The following CEP112 variants were observed in gnomAD, a reference collection of about 807,000 sequenced individuals.
CEP112 encodes centrosomal protein 112.
A neutral mutation model predicts 153.0 loss-of-function variants in CEP112; 127 were observed. The ratio of observed to expected loss-of-function variants is 0.83; its 90% CI spans 0.72 to 0.96. The LOEUF (loss-of-function observed/expected upper bound fraction) is 0.96, where lower values mean the gene tolerates loss of function less well. CEP112 is among the 40% of genes least tolerant of loss of function. The pLI is 0.00. For synonymous variants in CEP112, 358 were observed against 374.4 expected, an observed-to-expected ratio of 0.96 and a Z score of 0.51; for missense variants, 1,089 against 1,101.2, an observed-to-expected ratio of 0.99 and a Z score of 0.16.
intron 23 of CEP112, among the ~76,000 whole-genome samples, chr17:65,709,202 C>A (rs1186943566): frequency 6.6e-6 from 1 of 152,044 alleles, no homozygotes; most frequent in Admixed American, 6.5e-5. Context: ...AAATCTGCGG[C>A]CTAATTATAA....
intron 23 of CEP112, among the ~76,000 whole-genome samples, chr17:65,705,337 TA>T (rs1417920978): frequency 1.3e-5 from 2 of 152,344 alleles, no homozygotes; most frequent in East Asian, 3.9e-4. Context: ...ATTCCTAATG[TA>T]AATTTCTTCA....
At chr17:66,121,957 C>G (rs1261133717) in intron 6 of CEP112, among the ~76,000 whole-genome samples, 1 of 152,014 alleles carries the variant, frequency 6.6e-6, no homozygotes, top group African/African-American at 2.4e-5. Flanking sequence ...TGCAATGGTG[C>G]GATCTCGGCT....
intron 17 of CEP112, among the ~76,000 whole-genome samples, chr17:65,977,566 G>A (rs912626353): frequency 2.0e-5 from 3 of 152,176 alleles, no homozygotes; most frequent in Non-Finnish European, 4.4e-5. Flanking sequence ...GGCAGAGAAG[G>A]GAAGATGGTC....
intron 17 of CEP112, among the ~76,000 whole-genome samples, chr17:65,962,803 C>T (rs958531978): frequency 6.6e-6 from 1 of 152,158 alleles, no homozygotes; most frequent in African/African-American, 2.4e-5. Flanking sequence ...CTGCCGCCAT[C>T]CATGTAAGAT....
chr17:66,124,199 C>T (rs1315453488), intron 6 of CEP112, among the ~76,000 whole-genome samples: 1 of 152,134 alleles, frequency 6.6e-6, no homozygotes, highest in Non-Finnish European at 1.5e-5. Context: ...TGGGGAAAGA[C>T]TGGAACTTGT....
At chr17:66,034,976 G>GTGTGTGTGTGTGTGTGTGTA (rs1255011364) in intron 12 of CEP112, among the ~76,000 whole-genome samples, 1 of 13,434 alleles carries the variant, frequency 7.4e-5, no homozygotes, top group Non-Finnish European at 1.6e-4. Flanking sequence ...GTTTTTGCAT[G>GTGTGTGTGTGTGTGTGTGTA]TATATATATA....
At chr17:65,873,222 T>C (rs2058722395) in intron 20 of CEP112, 1 of 152,272 alleles carries the variant, frequency 6.6e-6, no homozygotes, top group South Asian at 2.1e-4. Context: ...CGGGCTCACC[T>C]GCCTGACTAA....
At position 65,672,884 on chromosome 17, in the gene CEP112, T is replaced by C. The variant is rs1363425028; in HGVS notation, c.2697+16245A>G. 2.0e-5 allele frequency among the ~76,000 whole-genome samples: 3 copies of C among 152,216 alleles called. No individual in the cohort carries two copies. The East Asian group carries it at 5.8e-4, about 29-fold the overall frequency. On this transcript the variant is annotated intron_variant, in intron 24 of 26. Coordinates refer to ENST00000535342, the MANE Select transcript of CEP112 (RefSeq NM_001199165.4). ...GAAATATATCTCAGTCAATACATGGTATTAGTATTAATAACTGGCTATCTA... is the reference window on the plus strand; with the variant it reads ...GAAATATATCTCAGTCAATACATGGCATTAGTATTAATAACTGGCTATCTA...
At chr17:65,731,853 C>T (rs114001212) in intron 23 of CEP112, among the ~76,000 whole-genome samples, 1,531 of 152,292 alleles carry the variant, frequency 0.01, 26 homozygotes, top group African/African-American at 0.035. Flanking sequence ...TGCAGCAATT[C>T]GGTCGCATCT....
At chr17:66,031,999 C>G (rs1233186290) in intron 12 of CEP112, among the ~76,000 whole-genome samples, 1 of 152,102 alleles carries the variant, frequency 6.6e-6, no homozygotes, top group Non-Finnish European at 1.5e-5. Context: ...GCAGTTTTCT[C>G]AAGAGAATTT....
intron 12 of CEP112, among the ~76,000 whole-genome samples, chr17:66,040,011 A>C (rs2065903128): frequency 6.6e-6 from 1 of 152,192 alleles, no homozygotes; most frequent in African/African-American, 2.4e-5. Flanking sequence ...TGTGGCTATG[A>C]AAACTCTCAT....
chr17:66,107,667 A>G (rs2068842807), intron 6 of CEP112, among the ~76,000 whole-genome samples: 2 of 152,304 alleles, frequency 1.3e-5, no homozygotes, highest in Admixed American at 6.5e-5. Flanking sequence ...ATGAAAAGAT[A>G]TTCCATGTGC....
intron 16 of CEP112, among the ~76,000 whole-genome samples, chr17:66,006,822 G>A (rs974295666): frequency 7.9e-5 from 12 of 152,262 alleles, no homozygotes; most frequent in Non-Finnish European, 1.8e-4. Context: ...TACTTGGTGG[G>A]GTGGGAAAAC....
intron 24 of CEP112, among the ~76,000 whole-genome samples, chr17:65,642,103 T>C (rs935499024): frequency 6.6e-6 from 1 of 152,226 alleles, no homozygotes; most frequent in African/African-American, 2.4e-5. Context: ...AAGATGTGCA[T>C]GGATGAGGCG....
At chr17:66,041,924 A>T (rs2066000138) in intron 12 of CEP112, among the ~76,000 whole-genome samples, 1 of 152,230 alleles carries the variant, frequency 6.6e-6, no homozygotes, top group Non-Finnish European at 1.5e-5. Context: ...ACGGGCTGCC[A>T]AACGGTAACT....
chr17:66,188,792 T>G (rs920539390), intron 1 of CEP112, among the ~76,000 whole-genome samples: 6 of 152,128 alleles, frequency 3.9e-5, no homozygotes, highest in Non-Finnish European at 8.8e-5. Context: ...CAGAAGGCTA[T>G]GATACCAGTG....
intron 19 of CEP112, among the ~76,000 whole-genome samples, chr17:65,911,063 T>A (rs1418162072): frequency 1.3e-5 from 2 of 152,160 alleles, no homozygotes; most frequent in Non-Finnish European, 2.9e-5. Context: ...AGCTAAGGTA[T>A]CCTTCACAAA....
intron 24 of CEP112, chr17:65,688,301 C>A (rs915688429): frequency 6.6e-6 from 1 of 152,218 alleles, no homozygotes; most frequent in Non-Finnish European, 1.5e-5. Flanking sequence ...CTGTTGGCTG[C>A]ATACTCAACA....
At position 66,078,822 on chromosome 17, in the gene CEP112, G is replaced by A. The variant is rs533226176; in HGVS notation, c.769-8821C>T. Among the ~76,000 whole-genome samples the A allele has an allele frequency of 4.6e-5, 7 of 152,230 alleles. No homozygotes were observed. In the South Asian group the frequency reaches 1.2e-3, roughly 27 times the overall value. On this transcript the variant is annotated intron_variant, in intron 8 of 26. Coordinates refer to ENST00000535342, the MANE Select transcript of CEP112 (RefSeq NM_001199165.4). ...CACTTCTTGTAGTGGTGGCTTGGTA[G>A]TGGCAAATTCTCTCAGCATTTGTTT...
Sources: allele counts gnomAD v4.1 joint callset (sites outside exome capture counted in the v4.1 genomes callset), GRCh38; gene constraint gnomAD v4.1.1; transcripts MANE v1.5; gene names NCBI Gene and HGNC (gene_info 2026-07-23, HGNC 2026-07-21).